The following SLAMF8 variants were observed in gnomAD, a reference collection of about 807,000 sequenced individuals.
SLAMF8 encodes SLAM family member 8, also known as B lymphocyte activator macrophage expressed.
Under a neutral mutation model 29.0 loss-of-function variants are expected in SLAMF8, and 23 were observed. The observed-to-expected ratio is 0.79, with a 90% CI of 0.57 to 1.13. The LOEUF is 1.13. Ranked by LOEUF, SLAMF8 falls within the 50% of genes most tolerant of loss-of-function variation. SLAMF8 has a pLI of 0.00. For missense variants in SLAMF8, 381 were observed against 353.1 expected (o/e 1.08, Z -0.63); for synonymous variants, 139 against 145.6 (o/e 0.96, Z 0.32).
At chr1:159,832,558 G>A (rs920938179) in intron 2 of SLAMF8, among the ~76,000 whole-genome samples, 1 of 152,258 alleles carries the variant, frequency 6.6e-6, no homozygotes, top group Non-Finnish European at 1.5e-5. Flanking sequence ...TGTGTGCGCA[G>A]ATGAATTATG....
chr1:159,827,946 G>T (rs922773043), intron 1 of SLAMF8, among the ~76,000 whole-genome samples: 3 of 151,714 alleles, frequency 2.0e-5, no homozygotes, highest in Non-Finnish European at 4.4e-5. Flanking sequence ...CGATTCTCCT[G>T]TCTCAGCCTC....
chr1:159,832,435 G>A (rs1456857475), intron 2 of SLAMF8, among the ~76,000 whole-genome samples: 1 of 152,226 alleles, frequency 6.6e-6, no homozygotes, highest in African/African-American at 2.4e-5. Flanking sequence ...TGCTTGGAGA[G>A]CTCAGAGCCA....
chr1:159,832,507 T>C (rs1266792526), intron 2 of SLAMF8, among the ~76,000 whole-genome samples: 10 of 152,148 alleles, frequency 6.6e-5, no homozygotes, highest in Admixed American at 6.5e-4. Context: ...CCTTGAAGGA[T>C]GGGTAGAAGT....
intron 4 of SLAMF8, chr1:159,834,622 C>G (rs1160291221): frequency 6.6e-6 from 1 of 152,422 alleles, no homozygotes; most frequent in Non-Finnish European, 1.5e-5. Context: ...CTATTACCTC[C>G]CCCAAAACCC....
At position 159,836,017 on chromosome 1, in the gene SLAMF8, A is replaced by T; in HGVS notation, c.*757A>T. The T allele has an allele frequency of 1.1e-5, 11 of 985,418 alleles. No individual in the cohort carries two copies. The highest frequency in any genetic ancestry group is 1.3e-5 in the Non-Finnish European group (11 of 829,938). 61.0% of individuals were successfully genotyped at this position (985,418 alleles called of 1,614,324 possible). Reference sequence around the variant, plus strand: ...TCTCACGCCTCCTGCAGGATCTGGGAGTGAGGGTGGAGAGTCTTTCCTCAC... The same window carrying T: ...TCTCACGCCTCCTGCAGGATCTGGGTGTGAGGGTGGAGAGTCTTTCCTCAC... On this transcript the variant is annotated 3_prime_UTR_variant, in exon 5 of 5. Coordinates refer to ENST00000289707, the MANE Select transcript of SLAMF8 (RefSeq NM_020125.3).
Position 159,826,948 on chromosome 1 carries a change from G to A in SLAMF8, c.40+10G>A, listed in dbSNP as rs754570213. ...CTGCTTCTCTGGGAAGGTAAGTGGG[G>A]CAGGCAGATAGCCTGTCCTCGGAGA... On this transcript the variant is annotated intron_variant, in intron 1 of 4. Transcript: ENST00000289707. 5.6e-6 allele frequency: 9 copies of A among 1,613,928 alleles called. No homozygotes were observed. The highest frequency in any genetic ancestry group is 7.6e-6 in the Non-Finnish European group (9 of 1,180,002).
intron 2 of SLAMF8, 109 bp downstream of exon 2, chr1:159,830,301 T>C (rs926098861): frequency 3.3e-6 from 4 of 1,220,416 alleles, no homozygotes; most frequent in Non-Finnish European, 4.4e-6. Flanking sequence ...AGCTCTGGTC[T>C]CTGACCATGT....
intron 4 of SLAMF8, 123 bp downstream of exon 4, chr1:159,833,492 T>A (rs1647656945): frequency 2.2e-6 from 3 of 1,380,724 alleles, no homozygotes. Flanking sequence ...TCCCACCTCA[T>A]CTCTTGGCCT....
Position 159,829,972 on chromosome 1 carries a change from C to T in SLAMF8, c.147C>T (p.Ile49=), listed in dbSNP as rs144347483. The T allele has an allele frequency of 5.2e-5, 84 of 1,614,280 alleles. No individual in the cohort carries two copies. In the African/African-American group the frequency reaches 9.5e-4, roughly 18 times the overall value. ...RPPGFQVREA[I]WRSLWPSEEL... ...CTGGCTTCCAAGTCCGTGAGGCTAT[C>T]TGGCGATCTCTCTGGCCTTCAGAAG... Residue 49 remains isoleucine (I), a synonymous_variant, in exon 2 of 5, where the codon ATC becomes ATT. Transcript: ENST00000289707.
rs914988442 is a variant in SLAMF8, at chr1:159,833,044, T to A, written c.536T>A (p.Leu179His). 5.0e-6 allele frequency: 8 copies of A among 1,614,088 alleles called. No homozygotes were observed. Among genetic ancestry groups the A allele is most frequent in the African/African-American group, 1.3e-5 (1 of 74,920 alleles). The change falls in exon 3 of 5, where the codon CTC (leucine) becomes CAC (histidine). Residue 179 changes from leucine (L) to histidine (H), a missense_variant. Coordinates refer to ENST00000289707, the MANE Select transcript of SLAMF8 (RefSeq NM_020125.3). ...TMDFGMEPHSLFTDGQVLSIS... is the reference protein window; with the variant it reads ...TMDFGMEPHSHFTDGQVLSIS... The stretch of plus-strand genomic sequence containing the variant: ...GACTTTGGTATGGAACCACACAGCC[T>A]CTTCACAGACGGACAGGTGCTGAGC...
Position 159,833,077 on chromosome 1 carries a change from T to G in SLAMF8, c.569T>G (p.Leu190Arg), listed in dbSNP as rs1647614574. ...GACGGACAGGTGCTGAGCATTTCCC[T>G]GGGACCAGGAGACAGAGATGTGGCC... ...FTDGQVLSIS[L>R]GPGDRDVAYS... Residue 190 changes from leucine (L) to arginine (R), a missense_variant, in exon 3 of 5, where the codon CTG becomes CGG. Coordinates refer to ENST00000289707, the MANE Select transcript of SLAMF8 (RefSeq NM_020125.3). 1.2e-6 allele frequency: 2 copies of G among 1,614,096 alleles called. No individual in the cohort carries two copies. The highest frequency in any genetic ancestry group is 1.7e-6 in the Non-Finnish European group (2 of 1,180,044).
At chr1:159,833,530 C>A (rs1258653253) in intron 4 of SLAMF8, among the ~76,000 whole-genome samples, 161 bp downstream of exon 4, 1 of 152,170 alleles carries the variant, frequency 6.6e-6, no homozygotes, top group Non-Finnish European at 1.5e-5. Flanking sequence ...GGTTTACAAC[C>A]AGACTCAACT....
At chr1:159,832,751 A>T in intron 2 of SLAMF8, 125 bp from the exon 3 acceptor site, 1 of 1,055,446 alleles carries the variant, frequency 9.5e-7, no homozygotes, top group Non-Finnish European at 1.4e-6. Context: ...AAAGCCAGAC[A>T]AGATTTTGGA....
chr1:159,834,899 A>G (rs1255548174), intron 4 of SLAMF8: 1 of 300,388 alleles, frequency 3.3e-6, no homozygotes, highest in Non-Finnish European at 6.2e-6. Flanking sequence ...GCTCTGCCTC[A>G]TGGCTTCTGT....
chr1:159,833,217 T>C, intron 3 of SLAMF8, 36 bp downstream of exon 3: 3 of 1,614,096 alleles, frequency 1.9e-6, no homozygotes, highest in Non-Finnish European at 2.5e-6. Flanking sequence ...GTTGAGGGCT[T>C]ATGAAGCATC....
Position 159,832,987 on chromosome 1 carries a change from T to A in SLAMF8, c.479T>A (p.Ile160Lys), listed in dbSNP as rs2101794883. 6.2e-7 allele frequency: 1 copy of A among 1,614,146 alleles called. No individual in the cohort carries two copies. Among genetic ancestry groups the A allele is most frequent in the South Asian group, 1.1e-5 (1 of 91,080 alleles). ...LSCWAPNISE[I>K]TYSWRRETTM... ...TGTTGGGCCCCCAACATCAGCGAAA[T>A]AACCTATAGCTGGCGACGGGAGACA... The change falls in exon 3 of 5, where the codon ATA becomes AAA. Residue 160 changes from isoleucine to lysine, a missense_variant. Physicochemically the swap from Ile to Lys is moderately radical, Grantham distance 102. Coordinates refer to ENST00000289707, the MANE Select transcript of SLAMF8 (RefSeq NM_020125.3).
chr1:159,832,884 C>T lies in SLAMF8; in HGVS notation c.376C>T (p.Pro126Ser). The change falls in exon 3 of 5, where the codon CCC becomes TCC. Residue 126 changes from proline (P) to serine (S), a missense_variant. Physicochemically the swap from Pro to Ser is moderately conservative, Grantham distance 74. Coordinates refer to ENST00000289707, the MANE Select transcript of SLAMF8 (RefSeq NM_020125.3). Reference sequence around the variant, plus strand: ...GTACTTTTCTTTCCCAGATGCAGTGCCCAGGCCCGTGGTACAAGTGTTCAT... The same window carrying T: ...GTACTTTTCTTTCCCAGATGCAGTGTCCAGGCCCGTGGTACAAGTGTTCAT... Reference protein sequence around the residue: ...TLQLKVYDAVPRPVVQVFIAV... With the variant: ...TLQLKVYDAVSRPVVQVFIAV... 2 of 1,613,588 alleles carry T rather than the reference C, an allele frequency of 1.2e-6. No homozygotes were observed. The highest frequency in any genetic ancestry group is 1.7e-6 in the Non-Finnish European group (2 of 1,179,502).
intron 2 of SLAMF8, 78 bp downstream of exon 2, chr1:159,830,270 AG>A (rs1647403946): frequency 7.0e-7 from 1 of 1,429,126 alleles, no homozygotes; most frequent in African/African-American, 1.4e-5. Flanking sequence ...CATAGCAGCC[AG>A]GGAGAGCTGG....
At chr1:159,827,195 G>T (rs1394861646) in intron 1 of SLAMF8, among the ~76,000 whole-genome samples, 1 of 152,220 alleles carries the variant, frequency 6.6e-6, no homozygotes, top group Non-Finnish European at 1.5e-5. Context: ...TTGTGGCCCA[G>T]AGCAGTAAAA....
Sources: allele counts gnomAD v4.1 joint callset (sites outside exome capture counted in the v4.1 genomes callset), GRCh38; gene constraint gnomAD v4.1.1; transcripts MANE v1.5; gene names NCBI Gene and HGNC (gene_info 2026-07-23, HGNC 2026-07-21).